SH2D3C: variants seen among roughly 807,000 people sequenced by gnomAD.
SH2D3C encodes the protein SH2 domain-containing protein 3C.
SH2D3C carries 25 observed loss-of-function variants against 75.2 expected under a neutral mutation model. The observed-to-expected ratio is 0.33, with a 90% CI of 0.24 to 0.46. The LOEUF (loss-of-function observed/expected upper bound fraction) is 0.46, where lower values mean the gene tolerates loss of function less well. Among genes scored for constraint, SH2D3C ranks in the 20% least tolerant of loss-of-function variants. SH2D3C has a pLI of 1.00. For missense variants in SH2D3C, 933 were observed against 1,165.3 expected (o/e 0.80, Z 2.90); for synonymous variants, 450 against 473.7 (o/e 0.95, Z 0.65).
chr9:127,776,734 C>T (rs927499887), intron 1 of SH2D3C, among the ~76,000 whole-genome samples: 1 of 152,128 alleles, frequency 6.6e-6, no homozygotes, highest in Non-Finnish European at 1.5e-5. Flanking sequence ...GGGAGGGACT[C>T]CCCCAGGGTC....
intron 3 of SH2D3C, 55 bp downstream of exon 3, chr9:127,761,556 G>A: frequency 7.6e-7 from 1 of 1,307,570 alleles, no homozygotes; most frequent in Non-Finnish European, 1.1e-6. Flanking sequence ...CCGTAATGGA[G>A]CAGGCTCTGA....
rs550071672 is a variant in SH2D3C, at chr9:127,754,371, C to G, written c.556-3071G>C. On this transcript the variant is annotated intron_variant, in intron 3 of 11. Transcript: ENST00000314830. The surrounding 1 kb of genome is among the most constrained non-coding windows in gnomAD (Gnocchi z 4.4). ...GAGACCCCCGGACAGGGTCTTAACC[C>G]CTTCCCGCCAGCCCGAGCCCAGCAT... 1.3e-5 allele frequency among the ~76,000 whole-genome samples: 2 copies of G among 152,198 alleles called. No homozygotes were observed. Among genetic ancestry groups the G allele is most frequent in the Non-Finnish European group, 2.9e-5 (2 of 67,954 alleles).
chr9:127,778,418 T>C (rs900021032), intron 1 of SH2D3C, among the ~76,000 whole-genome samples, 173 bp downstream of exon 1: 2 of 151,862 alleles, frequency 1.3e-5, no homozygotes, highest in Non-Finnish European at 2.9e-5. Flanking sequence ...ATTGTGCCAC[T>C]GCACTCCAGC....
chr9:127,757,272 ATTTTT>A (rs60217641), intron 3 of SH2D3C, among the ~76,000 whole-genome samples: 1 of 138,644 alleles, frequency 7.2e-6, no homozygotes, highest in Non-Finnish European at 1.6e-5. Context: ...CCCTCATTTG[ATTTTT>A]TTTTTTTTTT....
At chr9:127,770,663 G>A (rs2131807569) in intron 2 of SH2D3C, among the ~76,000 whole-genome samples, 1 of 150,428 alleles carries the variant, frequency 6.6e-6, no homozygotes, top group African/African-American at 2.5e-5. Flanking sequence ...CACTCCAGAT[G>A]CTGGAGGAGA....
At chr9:127,773,867 G>A (rs975042186) in intron 2 of SH2D3C, 123 bp downstream of exon 2, 4 of 627,786 alleles carry the variant, frequency 6.4e-6, no homozygotes, top group Non-Finnish European at 1.1e-5. Context: ...GCAGTGAACC[G>A]GGATCACACC....
Position 127,749,789 on chromosome 9 carries a change from C to T in SH2D3C, c.685-124G>A, listed in dbSNP as rs1397052160. The stretch of plus-strand genomic sequence containing the variant: ...AGACCAGACCCAGGGCATAGAGGAC[C>T]CAATGAACAGAGACATCTGACATCT... On this transcript the variant is annotated intron_variant, in intron 4 of 11. Coordinates refer to ENST00000314830, the MANE Select transcript of SH2D3C (RefSeq NM_170600.3). This position sits in a 1 kb window ranked among gnomAD's most constrained non-coding sequence, Gnocchi z 5.9. 9.2e-6 allele frequency: 6 copies of T among 652,178 alleles called. No individual in the cohort carries two copies. Among genetic ancestry groups the T allele is most frequent in the African/African-American group, 7.2e-5 (4 of 55,700 alleles). The allele number at this position is 652,178 out of a possible 1,614,324, so 40.4% of individuals were successfully genotyped here. A position where few individuals can be genotyped will look rare whatever the true frequency, so the allele number is the denominator to read the frequency against.
At position 127,738,603 on chromosome 9, in the gene SH2D3C, C is replaced by G; in HGVS notation, c.*143G>C. On this transcript the variant is annotated 3_prime_UTR_variant, in exon 12 of 12. Transcript: ENST00000314830. This position sits in a 1 kb window ranked among gnomAD's most constrained non-coding sequence, Gnocchi z 5.0. ...ATGGAACCCAGAGTCCACGCAGGAC[C>G]CTGGAGGTGCAAGGGAGATGCTTGA... is the stretch of plus-strand genomic sequence containing the variant. The G allele has an allele frequency of 1.2e-6, 1 of 837,246 alleles. No homozygotes were observed. Among genetic ancestry groups the G allele is most frequent in the South Asian group, 2.0e-5 (1 of 50,446 alleles). The allele number at this position is 837,246 out of a possible 1,614,324, so 51.9% of individuals were successfully genotyped here.
chr9:127,778,649 CT>C lies in SH2D3C; in HGVS notation c.-23del, dbSNP rs1469702022. On this transcript the variant is annotated 5_prime_UTR_variant, in exon 1 of 12. Coordinates refer to ENST00000314830, the MANE Select transcript of SH2D3C (RefSeq NM_170600.3). The stretch of plus-strand genomic sequence containing the variant: ...TCATCTTGGCAAATTGTGTGAAGCC[CT>C]TGGCCAGCTTGCGAGTGGCCACTCA... 1 of 1,612,550 alleles carries C rather than the reference CT, an allele frequency of 6.2e-7. No homozygotes were observed. The highest frequency in any genetic ancestry group is 1.7e-5 in the Admixed American group (1 of 60,020).
intron 2 of SH2D3C, among the ~76,000 whole-genome samples, chr9:127,772,064 A>ACTCTACCCCTTTACATGGTCCTC (rs1422415018): frequency 6.6e-6 from 1 of 151,978 alleles, no homozygotes; most frequent in Non-Finnish European, 1.5e-5. Context: ...GACTGGATTC[A>ACTCTACCCCTTTACATGGTCCTC]CTCTACCCCT....
intron 2 of SH2D3C, among the ~76,000 whole-genome samples, chr9:127,770,766 G>T (rs1481792788): frequency 6.6e-6 from 1 of 152,216 alleles, no homozygotes; most frequent in African/African-American, 2.4e-5. Flanking sequence ...GGGGAAGAAG[G>T]CTTGGGCTGG....
chr9:127,744,784 T>G lies in SH2D3C; in HGVS notation c.1580A>C (p.Glu527Ala), dbSNP rs1844972474. The change falls in exon 7 of 12, where the codon GAA becomes GCA. Residue 527 changes from glutamate to alanine, a missense_variant. By Grantham distance (107) the Glu-to-Ala change is moderately radical. Transcript: ENST00000314830. Reference protein sequence around the residue: ...QARSYGERLKELSENGAPEGD... With the variant: ...QARSYGERLKALSENGAPEGD... Reference sequence around the variant, plus strand: ...TTCAGGGGCCCCATTTTCTGACAGTTCCTTTAGCCTCTCCCCATAGCTCCT... The same window carrying G: ...TTCAGGGGCCCCATTTTCTGACAGTGCCTTTAGCCTCTCCCCATAGCTCCT... The G allele has an allele frequency of 6.2e-7, 1 of 1,614,028 alleles. No homozygotes were observed. The highest frequency in any genetic ancestry group is 1.3e-5 in the African/African-American group (1 of 74,900).
chr9:127,744,428 A>G, intron 7 of SH2D3C, 136 bp downstream of exon 7: 2 of 1,138,534 alleles, frequency 1.8e-6, no homozygotes, highest in South Asian at 1.5e-5. Flanking sequence ...AGAGTCACAG[A>G]GCAGGCAAAG....
At chr9:127,773,730 C>T (rs1237644683) in intron 2 of SH2D3C, among the ~76,000 whole-genome samples, 6 of 151,882 alleles carry the variant, frequency 4.0e-5, no homozygotes, top group Non-Finnish European at 8.8e-5. Context: ...CCAGCCTGGA[C>T]AACATGGTGA....
chr9:127,739,637 G>A lies in SH2D3C; in HGVS notation c.2407+45C>T. ...AGGGAAGCAGTGAGGCAGGTGGAGGGAGGCCCAGGCCTGCAAGCCCCCCAA... is the reference window on the plus strand; with the variant it reads ...AGGGAAGCAGTGAGGCAGGTGGAGGAAGGCCCAGGCCTGCAAGCCCCCCAA... On this transcript the variant is annotated intron_variant, in intron 11 of 11. Coordinates refer to ENST00000314830, the MANE Select transcript of SH2D3C (RefSeq NM_170600.3). This position sits in a 1 kb window ranked among gnomAD's most constrained non-coding sequence, Gnocchi z 4.3. 6.5e-7 allele frequency: 1 copy of A among 1,540,552 alleles called. No individual in the cohort carries two copies. The highest frequency in any genetic ancestry group is 8.9e-7 in the Non-Finnish European group (1 of 1,129,928).
At position 127,745,117 on chromosome 9, in the gene SH2D3C, G is replaced by C. The variant is rs770458749; in HGVS notation, c.1265-18C>G. The C allele has an allele frequency of 6.7e-7, 1 of 1,482,854 alleles. No individual in the cohort carries two copies. The highest frequency in any genetic ancestry group is 8.9e-7 in the Non-Finnish European group (1 of 1,120,772). 91.9% of individuals were successfully genotyped at this position (1,482,854 alleles called of 1,614,324 possible). A position where few individuals can be genotyped will look rare whatever the true frequency, so the allele number is the denominator to read the frequency against. ...ACGGGTTACTGCAGAAAGGTAGAGA[G>C]AGAGGCCCCGTTATAGCAGCTCCCC... is the stretch of plus-strand genomic sequence containing the variant. On this transcript the variant is annotated intron_variant, in intron 6 of 11. Transcript: ENST00000314830.
chr9:127,755,098 C>A, intron 3 of SH2D3C: 1 of 1,214,932 alleles, frequency 8.2e-7, no homozygotes. Flanking sequence ...CACGAAGGAG[C>A]CGCGGTAGAA....
intron 1 of SH2D3C, among the ~76,000 whole-genome samples, chr9:127,775,843 T>G (rs548743270): frequency 3.9e-5 from 6 of 151,984 alleles, no homozygotes; most frequent in Non-Finnish European, 7.4e-5. Flanking sequence ...TTATTTTTTC[T>G]TTTGAGACAG....
intron 3 of SH2D3C, among the ~76,000 whole-genome samples, chr9:127,756,104 A>G (rs762591949): frequency 2.6e-5 from 4 of 152,178 alleles, no homozygotes; most frequent in Non-Finnish European, 5.9e-5. Context: ...GTTCAAGACC[A>G]GTCTGGCCAA....
Sources: gnomAD v4.1 joint callset for allele counts (sites outside exome capture counted in the v4.1 genomes callset) on GRCh38, gnomAD v4.1.1 for gene constraint, Gnocchi (gnomAD v3.1) non-coding constraint, MANE v1.5 for transcripts, NCBI Gene and HGNC (gene_info 2026-07-23, HGNC 2026-07-21) for gene names.